The following ESYT1 variants were observed in gnomAD, a reference collection of about 807,000 sequenced individuals.
ESYT1 encodes extended synaptotagmin 1.
A neutral mutation model predicts 154.2 loss-of-function variants in ESYT1; 116 were observed. The observed-to-expected ratio is 0.75, with a 90% CI of 0.65 to 0.88. The LOEUF is 0.88. Ranked by LOEUF, ESYT1 falls within the 40% of genes least tolerant of loss-of-function variation. The probability of loss-of-function intolerance (pLI) is 0.00; values close to 1 mark genes in which losing one functional copy is unlikely to be tolerated. For synonymous variants in ESYT1, 500 were observed against 539.9 expected (o/e 0.93, Z 1.02); for missense variants, 1,264 against 1,379.3 (o/e 0.92, Z 1.32).
chr12:56,135,175 A>T (rs1565874336), intron 15 of ESYT1, among the ~76,000 whole-genome samples: 1 of 144,028 alleles, frequency 6.9e-6, no homozygotes, highest in South Asian at 2.2e-4. Flanking sequence ...AACATTCAGC[A>T]TTTTTTTTTT....
Position 56,133,877 on chromosome 12 carries a change from A to C in ESYT1, c.1473+4A>C. 6.2e-7 allele frequency: 1 copy of C among 1,613,928 alleles called. No homozygotes were observed. The highest frequency in any genetic ancestry group is 8.5e-7 in the Non-Finnish European group (1 of 1,179,918). ...GGATCGGGCCCAGGATCTTCCTGTG[A>C]GTTTGGCTGGGTGAACAGGAGCCCT... On this transcript the variant is annotated splice_donor_region_variant and intron_variant, in intron 13 of 30. Transcript: ENST00000394048.
intron 24 of ESYT1, among the ~76,000 whole-genome samples, chr12:56,139,975 C>A (rs1870626123): frequency 6.6e-6 from 1 of 151,612 alleles, no homozygotes; most frequent in South Asian, 2.1e-4. Context: ...AACTCTTGGG[C>A]TCTAGCAATC....
chr12:56,130,344 T>G, intron 1 of ESYT1: 1 of 595,690 alleles, frequency 1.7e-6, no homozygotes. Context: ...ACCACGTCCC[T>G]GAGCTATCCA....
intron 15 of ESYT1, among the ~76,000 whole-genome samples, chr12:56,135,419 G>A (rs184263046): frequency 9.9e-5 from 15 of 151,322 alleles, no homozygotes; most frequent in East Asian, 8.1e-4. Flanking sequence ...TGATCCGCCC[G>A]TCTCAGCCTC....
chr12:56,138,264 T>A lies in ESYT1; in HGVS notation c.2329T>A (p.Leu777Ile), dbSNP rs781555921. The change falls in exon 21 of 31, where the codon TTA becomes ATA. Residue 777 changes from leucine to isoleucine, a missense_variant. Physicochemically the swap from Leu to Ile is conservative, Grantham distance 5 (BLOSUM62 2). Coordinates refer to ENST00000394048, the MANE Select transcript of ESYT1 (RefSeq NM_015292.3). ...CACCCCCCGTCCCACTGCTGCTGAG[T>A]TAGAGGAGGTAGGGCAGGAGACTTG... ...RLTPRPTAAE[L>I]EEVLQVNSLI... 24 of 1,613,922 alleles carry A rather than the reference T, an allele frequency of 1.5e-5. No homozygotes were observed. The Admixed American group carries it at 3.0e-4, about 20-fold the overall frequency.
Position 56,130,434 on chromosome 12 carries a change from C to T in ESYT1, c.391-148C>T, listed in dbSNP as rs571974557. 9 of 887,356 alleles carry T rather than the reference C, an allele frequency of 1.0e-5. No individual in the cohort carries two copies. The Admixed American group carries it at 1.3e-4, about 13-fold the overall frequency. The allele number at this position is 887,356 out of a possible 1,614,324, so 55.0% of individuals were successfully genotyped here. A position where few individuals can be genotyped will look rare whatever the true frequency, so the allele number is the denominator to read the frequency against. On this transcript the variant is annotated intron_variant, in intron 1 of 30. Coordinates refer to ENST00000394048, the MANE Select transcript of ESYT1 (RefSeq NM_015292.3). The stretch of plus-strand genomic sequence containing the variant: ...GCCCCCAAACTCTGTGAGGAATGAA[C>T]CTTTGGGGCATCCTCGCCCCTCGCC...
chr12:56,130,481 C>T (rs982108181), intron 1 of ESYT1, 101 bp from the exon 2 acceptor site: 1 of 1,452,308 alleles, frequency 6.9e-7, no homozygotes, highest in Non-Finnish European at 9.7e-7. Flanking sequence ...TGAGGAGTCA[C>T]ACACACTCCC....
At position 56,138,249 on chromosome 12, in the gene ESYT1, C is replaced by G; in HGVS notation, c.2314C>G (p.Pro772Ala). Residue 772 changes from proline (P) to alanine (A), a missense_variant, in exon 21 of 31, where the codon CCC becomes GCC. By Grantham distance (27) the Pro-to-Ala change is conservative. Coordinates refer to ENST00000394048, the MANE Select transcript of ESYT1 (RefSeq NM_015292.3). ...HLRLERLTPR[P>A]TAAELEEVLQ... The stretch of plus-strand genomic sequence containing the variant: ...GCGCCTGGAGCGTCTCACCCCCCGT[C>G]CCACTGCTGCTGAGTTAGAGGAGGT... The G allele has an allele frequency of 6.2e-7, 1 of 1,614,236 alleles. No homozygotes were observed. The highest frequency in any genetic ancestry group is 8.5e-7 in the Non-Finnish European group (1 of 1,180,048).
At chr12:56,136,930 A>G in intron 16 of ESYT1, 37 bp downstream of exon 16, 1 of 1,543,500 alleles carries the variant, frequency 6.5e-7, no homozygotes. Context: ...TGTGGGGGAA[A>G]GGCCTGTTGA....
In ESYT1 at chr12:56,142,598, G is replaced by T; in HGVS notation, c.2754G>T (p.Ser918=). The change falls in exon 26 of 31, where the codon TCG becomes TCT. Residue 918 remains serine, a synonymous_variant. Transcript: ENST00000394048. The surrounding 1 kb of genome is among the most constrained non-coding windows in gnomAD (Gnocchi z 4.1). Reference sequence around the variant, plus strand: ...CCTAGATCCTGGTGTCCCAGCACTCGGGAGTGGAAGCTCATAGCCACAGCT... The same window carrying T: ...CCTAGATCCTGGTGTCCCAGCACTCTGGAGTGGAAGCTCATAGCCACAGCT... ...AQLGILVSQH[S]GVEAHSHSYS... The T allele has an allele frequency of 6.2e-7, 1 of 1,614,094 alleles. No individual in the cohort carries two copies. Among genetic ancestry groups the T allele is most frequent in the Non-Finnish European group, 8.5e-7 (1 of 1,180,016 alleles).
chr12:56,138,775 A>G lies in ESYT1; in HGVS notation c.2441A>G (p.Lys814Arg). ...ACAGTATTGTCTTTCTAGCTGCGAAAAGGCACCAAGCACCTCAGCCCTTAT... is the reference window on the plus strand; with the variant it reads ...ACAGTATTGTCTTTCTAGCTGCGAAGAGGCACCAAGCACCTCAGCCCTTAT... The part of the protein sequence containing the change: ...MERAEDLPLR[K>R]GTKHLSPYAT... Residue 814 changes from lysine to arginine, a missense_variant, in exon 23 of 31, where the codon AAA becomes AGA. Lys to Arg is a conservative substitution (Grantham distance 26). Coordinates refer to ENST00000394048, the MANE Select transcript of ESYT1 (RefSeq NM_015292.3). 1 of 1,614,196 alleles carries G rather than the reference A, an allele frequency of 6.2e-7. No homozygotes were observed. Among genetic ancestry groups the G allele is most frequent in the Non-Finnish European group, 8.5e-7 (1 of 1,180,000 alleles).
At position 56,137,591 on chromosome 12, in the gene ESYT1, T is replaced by C. The variant is rs368694162; in HGVS notation, c.2031T>C (p.Tyr677=). 4.8e-5 allele frequency: 78 copies of C among 1,614,048 alleles called. No individual in the cohort carries two copies. Among genetic ancestry groups the C allele is most frequent in the African/African-American group, 1.6e-4 (12 of 74,916 alleles). The change falls in exon 18 of 31, where the codon TAT becomes TAC. Residue 677 remains tyrosine (Y), a synonymous_variant. Transcript: ENST00000394048. The part of the protein sequence containing the change: ...GGLVKGKSDP[Y]VKLKLAGRSF... Reference sequence around the variant, plus strand: ...TGGTGAAGGGCAAGTCAGACCCCTATGTCAAACTAAAGTTGGCAGGACGAA... The same window carrying C: ...TGGTGAAGGGCAAGTCAGACCCCTACGTCAAACTAAAGTTGGCAGGACGAA...
In ESYT1 at chr12:56,144,214, T is replaced by C. The variant is rs963701612; in HGVS notation, c.*352T>C. The C allele has an allele frequency of 3.4e-6, 4 of 1,161,332 alleles. No homozygotes were observed. Among genetic ancestry groups the C allele is most frequent in the Admixed American group, 4.3e-5 (1 of 23,142 alleles). The allele number at this position is 1,161,332 out of a possible 1,614,324, so 71.9% of individuals were successfully genotyped here. A position where few individuals can be genotyped will look rare whatever the true frequency, so the allele number is the denominator to read the frequency against. On this transcript the variant is annotated 3_prime_UTR_variant, in exon 31 of 31. Coordinates refer to ENST00000394048, the MANE Select transcript of ESYT1 (RefSeq NM_015292.3). Reference sequence around the variant, plus strand: ...GGTATTAGCTTATGCCAAATACAGCTTTGGAAGGATCTTTTTTTCTTTAAC... The same window carrying C: ...GGTATTAGCTTATGCCAAATACAGCCTTGGAAGGATCTTTTTTTCTTTAAC...
At chr12:56,131,902 G>A in intron 7 of ESYT1, 98 bp downstream of exon 7, 1 of 1,253,420 alleles carries the variant, frequency 8.0e-7, no homozygotes, top group African/African-American at 1.5e-5. Context: ...TGTCCTCTAG[G>A]AGCCTCAACT....
Position 56,131,317 on chromosome 12 carries a change from G to A in ESYT1, c.714+1G>A, listed in dbSNP as rs1870225796. The stretch of plus-strand genomic sequence containing the variant: ...CAAAGCAGGAGTCAAGGGCATGCAG[G>A]TAGGCCAGATGTCAGGGGCCACATA... On this transcript the variant is annotated splice_donor_variant, in intron 5 of 30. Coordinates refer to ENST00000394048, the MANE Select transcript of ESYT1 (RefSeq NM_015292.3). LOFTEE classifies it high-confidence loss of function. The A allele has an allele frequency of 1.7e-5, 27 of 1,614,192 alleles. No individual in the cohort carries two copies. The highest frequency in any genetic ancestry group is 2.3e-5 in the Non-Finnish European group (27 of 1,180,028).
In ESYT1 at chr12:56,142,902, C is replaced by G. The variant is rs199780953; in HGVS notation, c.2956C>G (p.Arg986Gly). Residue 986 changes from arginine to glycine, a missense_variant, in exon 27 of 31, where the codon CGA becomes GGA. Physicochemically the swap from Arg to Gly is moderately radical, Grantham distance 125. Transcript: ENST00000394048. The surrounding 1 kb of genome is among the most constrained non-coding windows in gnomAD (Gnocchi z 4.1). ...GACTCTGTGGTACTACAGTGAAGAA[C>G]GAAAGCTGGTCAGCATTGTTCATGG... ...KLTLWYYSEE[R>G]KLVSIVHGCR... is the part of the protein sequence containing the mutation. 1.2e-6 allele frequency: 2 copies of G among 1,614,062 alleles called. No homozygotes were observed. Among genetic ancestry groups the G allele is most frequent in the South Asian group, 2.2e-5 (2 of 91,092 alleles).
intron 24 of ESYT1, among the ~76,000 whole-genome samples, chr12:56,140,556 G>A (rs144358566): frequency 3.0e-4 from 46 of 152,014 alleles, no homozygotes; most frequent in Middle Eastern, 6.8e-3. Context: ...GAGAGACGGG[G>A]TTTCACCATG....
At chr12:56,140,512 C>T (rs771535411) in intron 24 of ESYT1, among the ~76,000 whole-genome samples, 32 of 152,120 alleles carry the variant, frequency 2.1e-4, no homozygotes, top group Admixed American at 7.2e-4. Context: ...TATAGGTGCC[C>T]GCCACCACGC....
chr12:56,135,864 G>A (rs993313765), intron 15 of ESYT1, among the ~76,000 whole-genome samples: 1 of 151,184 alleles, frequency 6.6e-6, no homozygotes, highest in Non-Finnish European at 1.5e-5. Flanking sequence ...ACTCCAGCCT[G>A]GGTGACAGAG....
Sources: allele counts gnomAD v4.1 joint callset (sites outside exome capture counted in the v4.1 genomes callset), GRCh38; gene constraint gnomAD v4.1.1; non-coding constraint Gnocchi (gnomAD v3.1); transcripts MANE v1.5; gene names NCBI Gene and HGNC (gene_info 2026-07-23, HGNC 2026-07-21).